Variants in GSDME observed in about 807,000 individuals in gnomAD.
GSDME encodes the protein gasdermin E.
GSDME carries 44 observed loss-of-function variants against 47.5 expected under a neutral mutation model. That is an observed-to-expected ratio of 0.93 (90% CI 0.73 to 1.19). The LOEUF (loss-of-function observed/expected upper bound fraction) is 1.19, where lower values mean the gene tolerates loss of function less well. Ranked by LOEUF, GSDME falls within the 50% of genes most tolerant of loss-of-function variation. The pLI is 0.00. For missense variants in GSDME, 663 were observed against 604.2 expected (o/e 1.10, Z -1.02); for synonymous variants, 258 against 252.8 (o/e 1.02, Z -0.20).
At chr7:24,740,054 C>T (rs562388735) in intron 3 of GSDME, among the ~76,000 whole-genome samples, 2 of 150,998 alleles carry the variant, frequency 1.3e-5, no homozygotes, top group East Asian at 3.9e-4. Context: ...GATTATACCA[C>T]TGCACTCCAG....
chr7:24,785,772 C>T, the GSDME span, among the ~76,000 whole-genome samples: 6 of 152,168 alleles, frequency 3.9e-5, no homozygotes, highest in Non-Finnish European at 5.9e-5. Flanking sequence ...TTGTTTTAAA[C>T]ATGTCAAGCA....
intron 3 of GSDME, among the ~76,000 whole-genome samples, chr7:24,722,911 C>G (rs774486002): frequency 9.2e-5 from 14 of 152,190 alleles, no homozygotes; most frequent in Admixed American, 5.2e-4. Flanking sequence ...GGCGGACCCA[C>G]CACAGCGCAG....
In GSDME at chr7:24,744,566, CG is replaced by C. The variant is rs757136270; in HGVS notation, c.399del (p.Glu134ArgfsTer4). ...ATGCCAAACAAGTCTCCTTACCTCT[CG>C]GCAGAGTCTCTGATGAGCTGCTGCA... ...VDLQQLIRDS[A>X]ERTINLRNPV... On this transcript the variant is annotated frameshift_variant, in exon 3 of 10. Transcript: ENST00000645220. LOFTEE classifies it high-confidence loss of function. The surrounding 1 kb of genome is among the most constrained non-coding windows in gnomAD (Gnocchi z 4.5). 1 of 1,614,178 alleles carries C rather than the reference CG, an allele frequency of 6.2e-7. No homozygotes were observed. The highest frequency in any genetic ancestry group is 8.5e-7 in the Non-Finnish European group (1 of 1,180,022).
intron 1 of GSDME, among the ~76,000 whole-genome samples, chr7:24,753,476 C>G (rs1016706145): frequency 4.6e-5 from 7 of 152,166 alleles, no homozygotes; most frequent in Non-Finnish European, 2.9e-5. Context: ...AGGAAATACC[C>G]CATACGGATG....
rs111778272 is a variant in GSDME at position 24,710,642 on chromosome 7, C to A, written c.698-254G>T. 3.2e-5 allele frequency: 16 copies of A among 506,608 alleles called. 1 individual carries two copies. The highest frequency in any genetic ancestry group is 2.7e-4 in the African/African-American group (14 of 52,284). The allele number at this position is 506,608 out of a possible 1,614,324, so 31.4% of individuals were successfully genotyped here. On this transcript the variant is annotated intron_variant, in intron 5 of 9. Transcript: ENST00000645220. The stretch of plus-strand genomic sequence containing the variant: ...CCCTAATATATATTCTCTGAACAGG[C>A]TGGACACAATCTTTAAAACATTGGA...
Position 24,706,248 on chromosome 7 carries a change from G to C in GSDME, c.1119C>G (p.Gly373=), listed in dbSNP as rs1789095362. ...GCTGCTTGCTGCCTGCATCCTCGGG[G>C]CCCGGACACCCACCCTGTAAGCTGC... ...VGCSLQGGCP[G]PEDAGSKQLF... The change falls in exon 8 of 10, where the codon GGC becomes GGG. Residue 373 remains glycine, a synonymous_variant. Coordinates refer to ENST00000645220, the MANE Select transcript of GSDME (RefSeq NM_001127453.2). The C allele has an allele frequency of 6.2e-7, 1 of 1,614,208 alleles. No individual in the cohort carries two copies. The highest frequency in any genetic ancestry group is 8.5e-7 in the Non-Finnish European group (1 of 1,180,046).
chr7:24,744,367 C>G lies in GSDME; in HGVS notation c.404+195G>C. ...TTGAAAGTGCTTCCCAAGTCTCCCC[C>G]CACTCAGGCTAAGAACAGTCAAGCA... On this transcript the variant is annotated intron_variant, in intron 3 of 9. Coordinates refer to ENST00000645220, the MANE Select transcript of GSDME (RefSeq NM_001127453.2). This position sits in a 1 kb window ranked among gnomAD's most constrained non-coding sequence, Gnocchi z 4.5. 3.1e-6 allele frequency: 2 copies of G among 642,240 alleles called. No homozygotes were observed. Among genetic ancestry groups the G allele is most frequent in the South Asian group, 3.7e-5 (2 of 53,600 alleles). 39.8% of individuals were successfully genotyped at this position (642,240 alleles called of 1,614,324 possible). A position where few individuals can be genotyped will look rare whatever the true frequency, so the allele number is the denominator to read the frequency against.
At position 24,710,243 on chromosome 7, in the gene GSDME, T is replaced by TGGTC. The variant is rs1270310374; in HGVS notation, c.839_842dup (p.Leu282ThrfsTer24). On this transcript the variant is annotated frameshift_variant, in exon 6 of 10. Coordinates refer to ENST00000645220, the MANE Select transcript of GSDME (RefSeq NM_001127453.2). LOFTEE classifies it high-confidence loss of function. ...CAATACCTTGCTTTAAAACACTTAA[T>TGGTC]GGTCCATCCTGGGAAGATATCCCAT... The TGGTC allele has an allele frequency of 1.2e-6, 2 of 1,613,940 alleles. No homozygotes were observed. The highest frequency in any genetic ancestry group is 2.7e-5 in the African/African-American group (2 of 74,930).
In GSDME at chr7:24,754,216, G is replaced by A. The variant is rs981438524; in HGVS notation, c.-20+3180C>T. On this transcript the variant is annotated intron_variant, in intron 1 of 9. Coordinates refer to ENST00000645220, the MANE Select transcript of GSDME (RefSeq NM_001127453.2). The surrounding 1 kb of genome is among the most constrained non-coding windows in gnomAD (Gnocchi z 5.0). ...AAAGTTATATTAGCAGCCGGGCCTG[G>A]TGGCTCATGCCTGTAATCCCAGCAC... is the stretch of plus-strand genomic sequence containing the variant. Among the ~76,000 whole-genome samples the A allele has an allele frequency of 1.3e-5, 2 of 152,196 alleles. No homozygotes were observed.
At chr7:24,709,157 G>A (rs1196591726) in intron 6 of GSDME, among the ~76,000 whole-genome samples, 2 of 152,268 alleles carry the variant, frequency 1.3e-5, no homozygotes, top group Admixed American at 1.3e-4. Flanking sequence ...ACCAGTCCCA[G>A]CCTGAAGAGA....
chr7:24,717,804 C>G (rs1405369901), intron 4 of GSDME, among the ~76,000 whole-genome samples: 2 of 152,132 alleles, frequency 1.3e-5, no homozygotes, highest in African/African-American at 2.4e-5. Flanking sequence ...ACTCCAGACC[C>G]CTGTAGATGG....
intron 3 of GSDME, among the ~76,000 whole-genome samples, chr7:24,720,907 CA>C (rs36086754): frequency 0.34 from 42,715 of 123,884 alleles, 7,302 homozygotes; most frequent in African/African-American, 0.54. Context: ...AACTCCGTCT[CA>C]AAAAAAAAAA....
At chr7:24,748,060 T>C (rs190228293) in intron 2 of GSDME, among the ~76,000 whole-genome samples, 27 of 151,842 alleles carry the variant, frequency 1.8e-4, no homozygotes, top group Admixed American at 1.6e-3. Context: ...GAAAATTGTA[T>C]TTAAAAATAT....
chr7:24,733,813 T>C lies in GSDME; in HGVS notation c.404+10749A>G, dbSNP rs1393368969. Among the ~76,000 whole-genome samples the C allele has an allele frequency of 2.0e-5, 3 of 152,198 alleles. No homozygotes were observed. The highest frequency in any genetic ancestry group is 1.3e-4 in the Admixed American group (2 of 15,280). Reference sequence around the variant, plus strand: ...GTTTCCAACTCGAGGCCCTGACTCCTGGACAGCATCTCTGGACCCACCTGG... The same window carrying C: ...GTTTCCAACTCGAGGCCCTGACTCCCGGACAGCATCTCTGGACCCACCTGG... On this transcript the variant is annotated intron_variant, in intron 3 of 9. Coordinates refer to ENST00000645220, the MANE Select transcript of GSDME (RefSeq NM_001127453.2). The surrounding 1 kb of genome is among the most constrained non-coding windows in gnomAD (Gnocchi z 4.3).
chr7:24,795,503 G>C, the GSDME span, among the ~76,000 whole-genome samples: 2 of 152,166 alleles, frequency 1.3e-5, no homozygotes, highest in Non-Finnish European at 2.9e-5. Context: ...CTGCGTGAGA[G>C]GGTTGTGACC....
the GSDME span, among the ~76,000 whole-genome samples, chr7:24,777,377 G>A: frequency 6.6e-6 from 1 of 152,214 alleles, no homozygotes; most frequent in Admixed American, 6.5e-5. Flanking sequence ...AATGCAAGAA[G>A]AGGTGTAGGA....
At chr7:24,782,611 T>G in the GSDME span, among the ~76,000 whole-genome samples, 15,414 of 152,240 alleles carry the variant, frequency 0.1, 890 homozygotes, top group Non-Finnish European at 0.12. Context: ...CAAATGGTAT[T>G]TCTAGTTCTA....
the GSDME span, among the ~76,000 whole-genome samples, chr7:24,782,955 C>A: frequency 2.0e-5 from 3 of 151,870 alleles, no homozygotes; most frequent in Non-Finnish European, 4.4e-5. Context: ...GCTAGAGTCA[C>A]CAAAACAAAA....
chr7:24,702,509 G>A lies in GSDME; in HGVS notation c.1257+251C>T, dbSNP rs2721819. 0.16 allele frequency: 66,388 copies of A among 416,136 alleles called. 7,030 individuals are homozygous for A. The highest frequency in any genetic ancestry group is 0.39 in the African/African-American group (18,868 of 48,982). 25.8% of individuals were successfully genotyped at this position (416,136 alleles called of 1,614,324 possible). A position where few individuals can be genotyped will look rare whatever the true frequency, so the allele number is the denominator to read the frequency against. On this transcript the variant is annotated intron_variant, in intron 9 of 9. Coordinates refer to ENST00000645220, the MANE Select transcript of GSDME (RefSeq NM_001127453.2). ...AACAATGGGAAAAGTATAAGAGTTG[G>A]AGTCGAAAGACAAGGATGAAGTCCT...
Sources: gnomAD v4.1 joint callset for allele counts (sites outside exome capture counted in the v4.1 genomes callset) on GRCh38, gnomAD v4.1.1 for gene constraint, Gnocchi (gnomAD v3.1) non-coding constraint, MANE v1.5 for transcripts, NCBI Gene and HGNC (gene_info 2026-07-23, HGNC 2026-07-21) for gene names.